The following ANO1 variants were observed in gnomAD, a reference collection of about 807,000 sequenced individuals.
The protein encoded by ANO1 is anoctamin-1.
A neutral mutation model predicts 124.0 loss-of-function variants in ANO1; 59 were observed. The ratio of observed to expected loss-of-function variants is 0.48; its 90% CI spans 0.39 to 0.59. The LOEUF is 0.59. Ranked by LOEUF, ANO1 falls within the 20% of genes least tolerant of loss-of-function variation. The probability of loss-of-function intolerance (pLI) is 0.00; values close to 1 mark genes in which losing one functional copy is unlikely to be tolerated. For synonymous variants in ANO1, 529 were observed against 532.0 expected, an observed-to-expected ratio of 0.99 and a Z score of 0.08; for missense variants, 1,059 against 1,328.0, an observed-to-expected ratio of 0.80 and a Z score of 3.15.
Position 70,165,569 on chromosome 11 carries a change from C to T in ANO1, c.2050C>T (p.Pro684Ser). Residue 684 changes from proline to serine, a missense_variant and splice_region_variant, in exon 20 of 26, where the codon CCG becomes TCG. Pro to Ser is a moderately conservative substitution (Grantham distance 74). Coordinates refer to ENST00000355303, the MANE Select transcript of ANO1 (RefSeq NM_018043.7). ...IQNNLFEIGI[P>S]KMKKLIRYLK... ...GAACAACCTGTTCGAGATCGGCATC[C>T]CGTGAGTGTGCTGCAGCGGGTTAGA... 1.2e-6 allele frequency: 2 copies of T among 1,609,664 alleles called. No homozygotes were observed. Among genetic ancestry groups the T allele is most frequent in the Non-Finnish European group, 1.7e-6 (2 of 1,177,968 alleles).
chr11:70,037,276 G>T (rs1314679753), intron 1 of ANO1, among the ~76,000 whole-genome samples: 1 of 152,104 alleles, frequency 6.6e-6, no homozygotes, highest in Admixed American at 6.5e-5. Context: ...GTGGAGCAGG[G>T]CAGGTGGGGG....
intron 1 of ANO1, among the ~76,000 whole-genome samples, chr11:70,071,655 G>A (rs567137736): frequency 6.6e-5 from 10 of 151,618 alleles, no homozygotes; most frequent in Non-Finnish European, 8.8e-5. Flanking sequence ...ACAGGGTCTC[G>A]CTCTGTCACC....
At chr11:70,039,370 G>A (rs573451810) in intron 1 of ANO1, among the ~76,000 whole-genome samples, 2 of 152,152 alleles carry the variant, frequency 1.3e-5, no homozygotes, top group Admixed American at 6.5e-5. Context: ...ATGAAGACCA[G>A]GTATGCCAAC....
At chr11:70,036,732 C>A (rs527504311) in intron 1 of ANO1, among the ~76,000 whole-genome samples, 1 of 152,284 alleles carries the variant, frequency 6.6e-6, no homozygotes, top group South Asian at 2.1e-4. Flanking sequence ...CTCAGCCTCC[C>A]AAGTAGCTGG....
rs1409205633 is a variant in ANO1, at chr11:70,150,028, C to T, written c.1341+236C>T. The T allele has an allele frequency of 9.6e-6, 6 of 627,396 alleles. No individual in the cohort carries two copies. In the East Asian group the frequency reaches 1.8e-4, roughly 19 times the overall value. The allele number at this position is 627,396 out of a possible 1,614,324, so 38.9% of individuals were successfully genotyped here. A position where few individuals can be genotyped will look rare whatever the true frequency, so the allele number is the denominator to read the frequency against. On this transcript the variant is annotated intron_variant, in intron 12 of 25. Transcript: ENST00000355303. ...CTGTCTGCTGAAGTGTTTTCATCCC[C>T]ATGCTCACATGGACACCCAGCCACC...
At chr11:70,054,766 C>G (rs950066371) in intron 1 of ANO1, among the ~76,000 whole-genome samples, 3 of 152,042 alleles carry the variant, frequency 2.0e-5, no homozygotes, top group Non-Finnish European at 4.4e-5. Flanking sequence ...GGTTTCTGTT[C>G]TTTATTATTT....
intron 5 of ANO1, 71 bp downstream of exon 5, chr11:70,105,859 T>G (rs907916896): frequency 1.6e-5 from 24 of 1,504,962 alleles, no homozygotes; most frequent in Non-Finnish European, 2.2e-5. Context: ...ATAATTTCAT[T>G]TTGGTGAAAC....
intron 12 of ANO1, among the ~76,000 whole-genome samples, chr11:70,150,862 A>AT (rs1183657589): frequency 2.6e-5 from 4 of 152,066 alleles, no homozygotes; most frequent in Non-Finnish European, 2.9e-5. Flanking sequence ...TTTAAAAAAA[A>AT]TTTTTTTTAA....
intron 1 of ANO1, among the ~76,000 whole-genome samples, chr11:70,013,335 C>T (rs1253672955): frequency 3.3e-5 from 5 of 152,146 alleles, no homozygotes; most frequent in Non-Finnish European, 2.9e-5. Context: ...TAAGAGAAGA[C>T]AAGAAGCTAG....
chr11:69,968,821 C>T, the ANO1 span, among the ~76,000 whole-genome samples: 1 of 152,214 alleles, frequency 6.6e-6, no homozygotes, highest in South Asian at 2.1e-4. Context: ...GGGAATGGTA[C>T]TCTTATGCCA....
intron 2 of ANO1, among the ~76,000 whole-genome samples, chr11:70,095,287 G>GGAAA (rs2044827161): frequency 9.9e-5 from 8 of 80,622 alleles, no homozygotes; most frequent in South Asian, 4.3e-4. Flanking sequence ...AAGGAAGGAA[G>GGAAA]GAAGGAAGGA....
intron 1 of ANO1, among the ~76,000 whole-genome samples, chr11:69,991,395 GC>G (rs1554997465): frequency 6.6e-6 from 1 of 152,150 alleles, no homozygotes; most frequent in Admixed American, 6.5e-5. Flanking sequence ...TTAACCCCAA[GC>G]CCAGAGACAG....
chr11:70,187,743 G>C lies in ANO1; in HGVS notation c.2700G>C (p.Leu900=). The C allele has an allele frequency of 6.2e-7, 1 of 1,607,584 alleles. No individual in the cohort carries two copies. The highest frequency in any genetic ancestry group is 8.5e-7 in the Non-Finnish European group (1 of 1,177,306). The change falls in exon 26 of 26, where the codon CTG becomes CTC. Residue 900 remains leucine (L), a synonymous_variant. Coordinates refer to ENST00000355303, the MANE Select transcript of ANO1 (RefSeq NM_018043.7). ...CGCGTTGCCTCTCCTTCCAGAACCT[G>C]GTCATGTTCATGAGCGACTTTGTGG... is the stretch of plus-strand genomic sequence containing the variant. The part of the protein sequence containing the change: ...RLAFVIVFQN[L]VMFMSDFVDW...
intron 1 of ANO1, among the ~76,000 whole-genome samples, chr11:70,085,032 C>T (rs1429178052): frequency 3.3e-5 from 5 of 152,150 alleles, no homozygotes; most frequent in African/African-American, 2.4e-5. Flanking sequence ...CACCCTTAGT[C>T]GCGGCTCCTA....
chr11:70,003,052 G>A (rs1423551813), intron 1 of ANO1, among the ~76,000 whole-genome samples: 3 of 151,860 alleles, frequency 2.0e-5, no homozygotes, highest in Non-Finnish European at 2.9e-5. Flanking sequence ...AAACAACACC[G>A]TAAACAAAAT....
rs1029932669 is a variant in ANO1 at position 70,176,113 on chromosome 11, G to A, written c.2351-3891G>A. Among the ~76,000 whole-genome samples, 6 of 151,264 alleles carry A rather than the reference G, an allele frequency of 4.0e-5. No individual in the cohort carries two copies. In the East Asian group the frequency reaches 5.8e-4, roughly 15 times the overall value. The stretch of plus-strand genomic sequence containing the variant: ...ATACATTGGTTTGGTCCAGAAAGGC[G>A]GGACAGGGCGACTTCCAGATTATGG... On this transcript the variant is annotated intron_variant, in intron 22 of 25. Transcript: ENST00000355303.
At chr11:70,114,009 T>A (rs55822398) in intron 7 of ANO1, among the ~76,000 whole-genome samples, 17,354 of 152,254 alleles carry the variant, frequency 0.11, 1,076 homozygotes, top group South Asian at 0.26. Flanking sequence ...GTCTTAGGGA[T>A]TGACTGTCAA....
chr11:70,144,304 G>A (rs1275248746), intron 11 of ANO1, among the ~76,000 whole-genome samples: 1 of 152,154 alleles, frequency 6.6e-6, no homozygotes, highest in Non-Finnish European at 1.5e-5. Flanking sequence ...TGCGGGCCCT[G>A]CCCTGAGCAC....
chr11:70,039,075 T>A (rs1162711800), intron 1 of ANO1, among the ~76,000 whole-genome samples: 2 of 152,108 alleles, frequency 1.3e-5, no homozygotes, highest in African/African-American at 4.8e-5. Flanking sequence ...AGGCAAGACA[T>A]CCCTGGTCTG....
Sources: gnomAD v4.1 joint callset for allele counts (sites outside exome capture counted in the v4.1 genomes callset) on GRCh38, gnomAD v4.1.1 for gene constraint, MANE v1.5 for transcripts, NCBI Gene and HGNC (gene_info 2026-07-23, HGNC 2026-07-21) for gene names.